The following NOS1AP variants were observed in gnomAD, a reference collection of about 807,000 sequenced individuals.
The protein encoded by NOS1AP is carboxyl-terminal PDZ ligand of neuronal nitric oxide synthase protein.
In NOS1AP, 21 loss-of-function variants were observed where a neutral mutation model predicts 56.2. The ratio of observed to expected loss-of-function variants is 0.37; its 90% CI spans 0.26 to 0.54. The LOEUF is 0.54. Among genes scored for constraint, NOS1AP ranks in the 20% least tolerant of loss-of-function variants. The pLI is 0.84. For missense variants in NOS1AP, 522 were observed against 657.8 expected (o/e 0.79, Z 2.26); for synonymous variants, 270 against 274.6 (o/e 0.98, Z 0.17).
At chr1:162,352,856 A>G (rs1243454848) in intron 6 of NOS1AP, among the ~76,000 whole-genome samples, 1 of 152,268 alleles carries the variant, frequency 6.6e-6, no homozygotes, top group East Asian at 1.9e-4. Context: ...AACATACCCA[A>G]CAGCCTAATA....
chr1:162,301,404 C>T (rs1024798225), intron 4 of NOS1AP, among the ~76,000 whole-genome samples: 7 of 152,236 alleles, frequency 4.6e-5, no homozygotes, highest in African/African-American at 1.7e-4. Flanking sequence ...GATGCCGAAT[C>T]TGCCAGCACC....
chr1:162,072,752 C>T (rs192905403), intron 1 of NOS1AP, among the ~76,000 whole-genome samples: 1 of 152,328 alleles, frequency 6.6e-6, no homozygotes, highest in East Asian at 1.9e-4. Context: ...GCTTTTCTGT[C>T]CTACATGCTC....
At chr1:162,223,816 C>A (rs1185340620) in intron 2 of NOS1AP, among the ~76,000 whole-genome samples, 1 of 152,000 alleles carries the variant, frequency 6.6e-6, no homozygotes, top group Non-Finnish European at 1.5e-5. Context: ...AAGGAAAAAG[C>A]CAAAAGGAAG....
intron 2 of NOS1AP, among the ~76,000 whole-genome samples, chr1:162,220,509 A>ATTTATAAATTTTCTCT (rs1392817329): frequency 2.0e-5 from 3 of 152,264 alleles, no homozygotes; most frequent in Middle Eastern, 3.4e-3. Flanking sequence ...GAATTTTCTC[A>ATTTATAAATTTTCTCT]TTTATAAATT....
chr1:162,091,996 G>A (rs1487073837), intron 1 of NOS1AP, among the ~76,000 whole-genome samples: 4 of 152,146 alleles, frequency 2.6e-5, no homozygotes, highest in African/African-American at 7.2e-5. Context: ...CTGAGATTAG[G>A]TCCTAAATCA....
intron 5 of NOS1AP, among the ~76,000 whole-genome samples, chr1:162,334,722 T>A (rs1656883843): frequency 6.6e-6 from 1 of 152,248 alleles, no homozygotes; most frequent in Non-Finnish European, 1.5e-5. Context: ...AATAACGCAT[T>A]ATCATTTGCC....
At position 162,229,034 on chromosome 1, in the gene NOS1AP, A is replaced by T. The variant is rs920327061; in HGVS notation, c.178-58310A>T. Reference sequence around the variant, plus strand: ...AAAATAAACTAAATGGAAATTCTGGAACTAAAATTTTCCTGGGAGCAGGTA... The same window carrying T: ...AAAATAAACTAAATGGAAATTCTGGTACTAAAATTTTCCTGGGAGCAGGTA... On this transcript the variant is annotated intron_variant, in intron 2 of 9. Transcript: ENST00000361897. 1.8e-4 allele frequency among the ~76,000 whole-genome samples: 27 copies of T among 152,346 alleles called. No individual in the cohort carries two copies. In the East Asian group the frequency reaches 5.2e-3, roughly 29 times the overall value.
intron 3 of NOS1AP, among the ~76,000 whole-genome samples, chr1:162,293,997 C>T (rs192426986): frequency 1.6e-4 from 25 of 152,276 alleles, no homozygotes; most frequent in African/African-American, 5.8e-4. Context: ...TCTTTGCTTT[C>T]TCACCTTCTC....
intron 4 of NOS1AP, among the ~76,000 whole-genome samples, chr1:162,311,225 C>T (rs1656016033): frequency 6.6e-6 from 1 of 152,190 alleles, no homozygotes; most frequent in South Asian, 2.1e-4. Flanking sequence ...CAGCACATTC[C>T]TCTGTTCTTC....
rs58228898 is a variant in NOS1AP, at chr1:162,207,016, G to A, written c.177+52540G>A. On this transcript the variant is annotated intron_variant, in intron 2 of 9. Transcript: ENST00000361897. ...AAAATTACCCTATTATTTAGAGACC[G>A]AGAAATATTTGGATAGTGGTAATGT... is the stretch of plus-strand genomic sequence containing the variant. 8.1e-3 allele frequency among the ~76,000 whole-genome samples: 1,241 copies of A among 152,340 alleles called. 18 individuals are homozygous for A. The highest frequency in any genetic ancestry group is 0.028 in the African/African-American group (1,177 of 41,576).
intron 2 of NOS1AP, among the ~76,000 whole-genome samples, chr1:162,185,305 G>A (rs4630111): frequency 0.98 from 150,023 of 152,320 alleles, 73,924 homozygotes; most frequent in East Asian, 1. Context: ...GGGGATTAGT[G>A]TGTAGACATC....
chr1:162,070,126 G>A lies in NOS1AP; in HGVS notation c.-52G>A. The A allele has an allele frequency of 6.8e-7, 1 of 1,466,076 alleles. No individual in the cohort carries two copies. Among genetic ancestry groups the A allele is most frequent in the Non-Finnish European group, 9.6e-7 (1 of 1,046,768 alleles). The allele number at this position is 1,466,076 out of a possible 1,614,324, so 90.8% of individuals were successfully genotyped here. A position where few individuals can be genotyped will look rare whatever the true frequency, so the allele number is the denominator to read the frequency against. On this transcript the variant is annotated 5_prime_UTR_variant, in exon 1 of 10. Transcript: ENST00000361897. ...GTCTCCCCTCCCCGGGGTCTCGCCA[G>A]CCCCTTCCTGCAGCCGCCGCCTCCG...
At chr1:162,130,502 C>G (rs61132077) in intron 1 of NOS1AP, among the ~76,000 whole-genome samples, 36,097 of 151,848 alleles carry the variant, frequency 0.24, 8,085 homozygotes, top group African/African-American at 0.6. Context: ...AGGCAGTATC[C>G]CTGTGACTAT....
intron 2 of NOS1AP, among the ~76,000 whole-genome samples, chr1:162,258,249 A>T (rs1304632134): frequency 6.6e-6 from 1 of 152,112 alleles, no homozygotes; most frequent in African/African-American, 2.4e-5. Context: ...TTGGACATCC[A>T]TCTTTTCTTA....
At chr1:162,081,753 TAG>T (rs1404311029) in intron 1 of NOS1AP, among the ~76,000 whole-genome samples, 8 of 55,168 alleles carry the variant, frequency 1.5e-4, no homozygotes, top group African/African-American at 4.0e-4. Flanking sequence ...TCTATATCTA[TAG>T]ATATATATAT....
chr1:162,119,716 C>A (rs901169785), intron 1 of NOS1AP, among the ~76,000 whole-genome samples: 1 of 152,118 alleles, frequency 6.6e-6, no homozygotes, highest in African/African-American at 2.4e-5. Context: ...TCTCTTGGAT[C>A]CCAGAGTACT....
intron 1 of NOS1AP, among the ~76,000 whole-genome samples, chr1:162,150,002 C>T (rs927460511): frequency 6.6e-6 from 1 of 152,104 alleles, no homozygotes; most frequent in Non-Finnish European, 1.5e-5. Flanking sequence ...TACATTCTTT[C>T]TGTTATTTTT....
At chr1:162,255,788 G>C (rs1265818664) in intron 2 of NOS1AP, among the ~76,000 whole-genome samples, 1 of 152,154 alleles carries the variant, frequency 6.6e-6, no homozygotes, top group Non-Finnish European at 1.5e-5. Flanking sequence ...AACTATGCCA[G>C]TGATTATTTT....
intron 4 of NOS1AP, among the ~76,000 whole-genome samples, chr1:162,321,045 A>G (rs1656397420): frequency 6.6e-6 from 1 of 152,050 alleles, no homozygotes; most frequent in South Asian, 2.1e-4. Context: ...GTTTTCTCCT[A>G]GGGTGTTTAT....
Sources: gnomAD v4.1 joint callset for allele counts (sites outside exome capture counted in the v4.1 genomes callset) on GRCh38, gnomAD v4.1.1 for gene constraint, MANE v1.5 for transcripts, NCBI Gene and HGNC (gene_info 2026-07-23, HGNC 2026-07-21) for gene names.